Variants in BTBD9 observed in about 807,000 individuals in gnomAD.
BTBD9 encodes BTB domain containing 9, also known as BTB/POZ domain-containing protein 9.
Under a neutral mutation model 64.3 loss-of-function variants are expected in BTBD9, and 49 were observed. The observed-to-expected ratio is 0.76, with a 90% confidence interval of 0.61 to 0.97. BTBD9 has a LOEUF of 0.97. Ranked by LOEUF, BTBD9 falls within the 50% of genes least tolerant of loss-of-function variation. The probability of loss-of-function intolerance (pLI) is 0.00; values close to 1 mark genes in which losing one functional copy is unlikely to be tolerated. For missense variants in BTBD9, 598 were observed against 762.1 expected, an observed-to-expected ratio of 0.78 and a Z score of 2.53; for synonymous variants, 260 against 274.7, an observed-to-expected ratio of 0.95 and a Z score of 0.53.
chr6:38,433,216 A>G (rs4591851), intron 6 of BTBD9, among the ~76,000 whole-genome samples: 5 of 151,444 alleles, frequency 3.3e-5, no homozygotes, highest in Non-Finnish European at 7.4e-5. Context: ...TCCCCTTGAG[A>G]TTTTTACTTG....
At chr6:38,522,884 C>T (rs1034325573) in intron 6 of BTBD9, among the ~76,000 whole-genome samples, 17 of 151,994 alleles carry the variant, frequency 1.1e-4, no homozygotes, top group African/African-American at 4.1e-4. Context: ...GAGAAATCTG[C>T]TCAAAAAAAG....
intron 6 of BTBD9, among the ~76,000 whole-genome samples, chr6:38,382,384 G>A (rs1269622667): frequency 6.6e-6 from 1 of 152,040 alleles, no homozygotes; most frequent in Non-Finnish European, 1.5e-5. Context: ...CAGGAGTGAG[G>A]TGGCTTCCCA....
intron 6 of BTBD9, among the ~76,000 whole-genome samples, chr6:38,362,741 G>T (rs930947485): frequency 6.6e-6 from 1 of 152,202 alleles, no homozygotes; most frequent in Non-Finnish European, 1.5e-5. Flanking sequence ...TATAGCAGAA[G>T]AAAGGAAAAC....
intron 7 of BTBD9, among the ~76,000 whole-genome samples, chr6:38,325,667 A>T (rs1159508549): frequency 6.6e-6 from 1 of 152,266 alleles, no homozygotes; most frequent in Non-Finnish European, 1.5e-5. Context: ...CCTGGGCAAC[A>T]GAGCAAGACT....
At chr6:38,424,193 C>T (rs1768038033) in intron 6 of BTBD9, among the ~76,000 whole-genome samples, 1 of 151,954 alleles carries the variant, frequency 6.6e-6, no homozygotes. Context: ...GCACTGTAGG[C>T]TTTTACTTCT....
chr6:38,282,788 T>G lies in BTBD9; in HGVS notation c.1454+5484A>C, dbSNP rs534842564. On this transcript the variant is annotated intron_variant, in intron 8 of 10. Coordinates refer to ENST00000481247, the MANE Select transcript of BTBD9 (RefSeq NM_001099272.2). Reference sequence around the variant, plus strand: ...TCCATCCTTTGGGATCTGCTCACACTTCACCCTTCTCAGTGAGGCCTTCCT... The same window carrying G: ...TCCATCCTTTGGGATCTGCTCACACGTCACCCTTCTCAGTGAGGCCTTCCT... 2.1e-3 allele frequency among the ~76,000 whole-genome samples: 322 copies of G among 152,270 alleles called. 2 individuals are homozygous for G. Among genetic ancestry groups the G allele is most frequent in the African/African-American group, 7.4e-3 (306 of 41,550 alleles).
chr6:38,617,974 TA>T, intron 1 of BTBD9, among the ~76,000 whole-genome samples: 1 of 152,228 alleles, frequency 6.6e-6, no homozygotes, highest in East Asian at 1.9e-4. Context: ...TAAGAGCCAC[TA>T]AATCTGACCT....
Position 38,168,638 on chromosome 6 carries a change from G to A in BTBD9, c.*6347C>T, listed in dbSNP as rs568186630. On this transcript the variant is annotated 3_prime_UTR_variant, in exon 11 of 11. Coordinates refer to ENST00000481247, the MANE Select transcript of BTBD9 (RefSeq NM_001099272.2). ...GCAGCACAGCCTTTTGGGCATCTTT[G>A]GAGTTTTAGACGGAGCTTCTGGAGT... The A allele has an allele frequency of 5.2e-5, 8 of 152,424 alleles. No individual in the cohort carries two copies. Among genetic ancestry groups the A allele is most frequent in the African/African-American group, 1.9e-4 (8 of 41,590 alleles). 9.4% of individuals were successfully genotyped at this position (152,424 alleles called of 1,614,324 possible). A position where few individuals can be genotyped will look rare whatever the true frequency, so the allele number is the denominator to read the frequency against.
intron 6 of BTBD9, among the ~76,000 whole-genome samples, chr6:38,486,575 T>C (rs1771436418): frequency 6.6e-6 from 1 of 152,178 alleles, no homozygotes; most frequent in Admixed American, 6.5e-5. Context: ...GAACAACCAG[T>C]CAGTGGAGCA....
At chr6:38,573,598 C>T (rs911578879) in intron 6 of BTBD9, among the ~76,000 whole-genome samples, 2 of 152,174 alleles carry the variant, frequency 1.3e-5, no homozygotes, top group African/African-American at 2.4e-5. Flanking sequence ...GAGAACGTTG[C>T]TTTTAGCCCT....
At chr6:38,416,046 G>A (rs542927251) in intron 6 of BTBD9, among the ~76,000 whole-genome samples, 28 of 152,254 alleles carry the variant, frequency 1.8e-4, no homozygotes, top group African/African-American at 6.7e-4. Context: ...TGCTAGAAAT[G>A]TAAAGAAAGA....
chr6:38,625,939 T>C (rs1582736625), intron 1 of BTBD9, among the ~76,000 whole-genome samples: 1 of 152,232 alleles, frequency 6.6e-6, no homozygotes, highest in Non-Finnish European at 1.5e-5. Context: ...GACATGTATA[T>C]TGCACTGACA....
At chr6:38,370,565 G>A (rs13204569) in intron 6 of BTBD9, among the ~76,000 whole-genome samples, 46,206 of 152,034 alleles carry the variant, frequency 0.3, 7,361 homozygotes, top group Non-Finnish European at 0.34. Context: ...ATTACTGTAG[G>A]TCTAAGAGAA....
At chr6:38,370,953 G>C (rs746094002) in intron 6 of BTBD9, among the ~76,000 whole-genome samples, 3 of 152,162 alleles carry the variant, frequency 2.0e-5, no homozygotes, top group Non-Finnish European at 2.9e-5. Context: ...GACTGCCTTA[G>C]ATTTCAAAGA....
In BTBD9 at chr6:38,288,227, G is replaced by A. The variant is rs576557748; in HGVS notation, c.1454+45C>T. On this transcript the variant is annotated intron_variant, in intron 8 of 10. Coordinates refer to ENST00000481247, the MANE Select transcript of BTBD9 (RefSeq NM_001099272.2). ...TTTTACCAAAATACAATCTATATGT[G>A]TATCTTCCATTTTAAAACTTATGAA... The A allele has an allele frequency of 1.9e-5, 30 of 1,546,962 alleles. No homozygotes were observed. The South Asian group carries it at 3.2e-4, about 17-fold the overall frequency.
At chr6:38,583,332 T>A (rs985856279) in intron 4 of BTBD9, among the ~76,000 whole-genome samples, 3 of 152,048 alleles carry the variant, frequency 2.0e-5, no homozygotes. Flanking sequence ...AAACCCCATC[T>A]CTACTAAAAA....
intron 6 of BTBD9, among the ~76,000 whole-genome samples, chr6:38,446,135 C>T (rs188253451): frequency 6.6e-6 from 1 of 152,248 alleles, no homozygotes; most frequent in East Asian, 1.9e-4. Context: ...ACTCACATGG[C>T]TCAGATAACT....
At chr6:38,629,519 A>G (rs1370303256) in intron 1 of BTBD9, among the ~76,000 whole-genome samples, 1 of 152,242 alleles carries the variant, frequency 6.6e-6, no homozygotes, top group Non-Finnish European at 1.5e-5. Flanking sequence ...CAAGTGAGAG[A>G]CATACTATTA....
chr6:38,416,816 T>C (rs2745382), intron 6 of BTBD9, among the ~76,000 whole-genome samples: 66,703 of 152,004 alleles, frequency 0.44, 14,677 homozygotes, highest in Non-Finnish European at 0.46. Flanking sequence ...CTCAGTACTA[T>C]TGAACATTTC....
Sources: gnomAD v4.1 joint callset for allele counts (sites outside exome capture counted in the v4.1 genomes callset) on GRCh38, gnomAD v4.1.1 for gene constraint, MANE v1.5 for transcripts, NCBI Gene and HGNC (gene_info 2026-07-23, HGNC 2026-07-21) for gene names.